KIAA1549: variants seen among roughly 807,000 people sequenced by gnomAD.
KIAA1549 encodes UPF0606 protein KIAA1549.
KIAA1549 carries 70 observed loss-of-function variants against 156.4 expected under a neutral mutation model. The observed-to-expected ratio is 0.45, with a 90% CI of 0.37 to 0.55. The LOEUF is 0.55. Ranked by LOEUF, KIAA1549 falls within the 20% of genes least tolerant of loss-of-function variation. KIAA1549 has a pLI of 0.00. For missense variants in KIAA1549, 2,428 were observed against 2,540.9 expected (o/e 0.96, Z 0.96); for synonymous variants, 1,103 against 1,066.4 (o/e 1.03, Z -0.67).
At chr7:138,862,319 G>A (rs1353540371) in intron 15 of KIAA1549, among the ~76,000 whole-genome samples, 1 of 151,838 alleles carries the variant, frequency 6.6e-6, no homozygotes, top group Non-Finnish European at 1.5e-5. Context: ...AGGCAACATA[G>A]CAAGACCCCC....
Position 138,835,580 on chromosome 7 carries a change from A to C in KIAA1549, c.*2326T>G, listed in dbSNP as rs376968655. 261 of 224,440 alleles carry C rather than the reference A, an allele frequency of 1.2e-3. No homozygotes were observed. The highest frequency in any genetic ancestry group is 5.4e-3 in the African/African-American group (241 of 44,910). 13.9% of individuals were successfully genotyped at this position (224,440 alleles called of 1,614,324 possible). On this transcript the variant is annotated 3_prime_UTR_variant, in exon 20 of 20. Transcript: ENST00000422774. ...TGGCCCTGAGCGGAACTGGGTGAGA[A>C]GGGGCCATTTATCCCGTTTGCTGTC... is the stretch of plus-strand genomic sequence containing the variant.
rs1197524450 is a variant in KIAA1549, at chr7:138,957,743, G to T, written c.187+23340C>A. ...TCCGCCCACCTCAGCCTCCCAAAGTGCTGAGATTACAGACATGAGACACTG... is the reference window on the plus strand; with the variant it reads ...TCCGCCCACCTCAGCCTCCCAAAGTTCTGAGATTACAGACATGAGACACTG... On this transcript the variant is annotated intron_variant, in intron 1 of 19. Coordinates refer to ENST00000422774, the MANE Select transcript of KIAA1549 (RefSeq NM_001164665.2). Among the ~76,000 whole-genome samples the T allele has an allele frequency of 2.6e-5, 4 of 152,046 alleles. No homozygotes were observed. In the East Asian group the frequency reaches 5.8e-4, roughly 22 times the overall value.
chr7:138,978,477 T>C (rs1814444462), intron 1 of KIAA1549, among the ~76,000 whole-genome samples: 1 of 146,088 alleles, frequency 6.8e-6, no homozygotes, highest in Non-Finnish European at 1.5e-5. Flanking sequence ...ACCAAACTTG[T>C]AAATTTTTTT....
chr7:138,898,941 C>A lies in KIAA1549; in HGVS notation c.3847+14G>T, dbSNP rs758641716. The A allele has an allele frequency of 3.0e-5, 48 of 1,611,142 alleles. No individual in the cohort carries two copies. Among genetic ancestry groups the A allele is most frequent in the Non-Finnish European group, 3.8e-5 (45 of 1,178,766 alleles). ...GCACAGCACAGCACAGACGACAACA[C>A]CTCAGGCACTTACGCTGGGCAATGA... On this transcript the variant is annotated intron_variant, in intron 9 of 19. Transcript: ENST00000422774.
intron 18 of KIAA1549, among the ~76,000 whole-genome samples, chr7:138,841,765 G>A (rs1369894621): frequency 6.6e-6 from 1 of 151,880 alleles, no homozygotes; most frequent in African/African-American, 2.4e-5. Context: ...GTCTCACTAT[G>A]TTGGCCAGGC....
At chr7:138,971,493 C>T (rs1319779646) in intron 1 of KIAA1549, among the ~76,000 whole-genome samples, 2 of 152,160 alleles carry the variant, frequency 1.3e-5, no homozygotes, top group African/African-American at 4.8e-5. Context: ...CCACCCCAGA[C>T]TGGCTTCTTC....
intron 1 of KIAA1549, among the ~76,000 whole-genome samples, chr7:138,942,902 C>G (rs1813225211): frequency 8.1e-6 from 1 of 123,542 alleles, no homozygotes; most frequent in Non-Finnish European, 1.6e-5. Context: ...GAGCAAGACT[C>G]CGTCTCAAAA....
intron 1 of KIAA1549, among the ~76,000 whole-genome samples, chr7:138,951,811 A>T (rs1354366972): frequency 6.6e-6 from 1 of 152,238 alleles, no homozygotes; most frequent in Non-Finnish European, 1.5e-5. Context: ...CATATGTCTA[A>T]GCAACATCCA....
At chr7:138,980,065 C>T (rs1184146202) in intron 1 of KIAA1549, among the ~76,000 whole-genome samples, 1 of 152,256 alleles carries the variant, frequency 6.6e-6, no homozygotes, top group East Asian at 1.9e-4. Flanking sequence ...CTCCCAGCCA[C>T]TGAGTAGCCC....
chr7:138,902,713 G>A (rs1248516131), intron 8 of KIAA1549, among the ~76,000 whole-genome samples: 1 of 152,106 alleles, frequency 6.6e-6, no homozygotes, highest in African/African-American at 2.4e-5. Context: ...GGAGGCTGAG[G>A]CAAAAGAGTC....
chr7:138,955,102 C>T (rs1299402575), intron 1 of KIAA1549, among the ~76,000 whole-genome samples: 1 of 152,194 alleles, frequency 6.6e-6, no homozygotes, highest in Non-Finnish European at 1.5e-5. Flanking sequence ...GCCAGAGACA[C>T]CACTAGATTT....
rs138479578 is a variant in KIAA1549, at chr7:138,964,326, G to A, written c.187+16757C>T. On this transcript the variant is annotated intron_variant, in intron 1 of 19. Transcript: ENST00000422774. ...TCTCTAACCCAGACCCAGAACAGAGGAGACCGTGGCTGGGGGTGCACATGC... is the reference window on the plus strand; with the variant it reads ...TCTCTAACCCAGACCCAGAACAGAGAAGACCGTGGCTGGGGGTGCACATGC... Among the ~76,000 whole-genome samples the A allele has an allele frequency of 2.0e-5, 3 of 152,314 alleles. No individual in the cohort carries two copies. In the East Asian group the frequency reaches 5.8e-4, roughly 29 times the overall value.
At chr7:138,883,990 G>T (rs1005698435) in intron 10 of KIAA1549, among the ~76,000 whole-genome samples, 2 of 152,164 alleles carry the variant, frequency 1.3e-5, no homozygotes, top group African/African-American at 4.8e-5. Context: ...TCACCACAGA[G>T]CCCCAGGCAT....
In KIAA1549 at chr7:138,833,599, T is replaced by A. The variant is rs1483818883; in HGVS notation, c.*4307A>T. 8.6e-6 allele frequency: 2 copies of A among 232,356 alleles called. No homozygotes were observed. The highest frequency in any genetic ancestry group is 1.7e-5 in the Non-Finnish European group (2 of 117,594). 14.4% of individuals were successfully genotyped at this position (232,356 alleles called of 1,614,324 possible). On this transcript the variant is annotated 3_prime_UTR_variant, in exon 20 of 20. Transcript: ENST00000422774. Reference sequence around the variant, plus strand: ...CACCCAAATCAAAACACTATGAAATTAATAAAATTTGGAGAAAAATGTGTA... The same window carrying A: ...CACCCAAATCAAAACACTATGAAATAAATAAAATTTGGAGAAAAATGTGTA...
chr7:138,940,135 G>A (rs1813136021), intron 1 of KIAA1549, among the ~76,000 whole-genome samples: 1 of 152,028 alleles, frequency 6.6e-6, no homozygotes, highest in African/African-American at 2.4e-5. Context: ...ATTTATATTA[G>A]GTATATCTCC....
rs368169470 is a variant in KIAA1549 at position 138,911,212 on chromosome 7, T to C, written c.3079A>G (p.Thr1027Ala). 4 of 1,599,012 alleles carry C rather than the reference T, an allele frequency of 2.5e-6. No homozygotes were observed. The African/African-American group carries it at 5.4e-5, about 21-fold the overall frequency. Residue 1027 changes from threonine (T) to alanine (A), a missense_variant, in exon 4 of 20, where the codon ACT becomes GCT. Transcript: ENST00000422774. ...GGTTTCACAGACAGGATTAAAGGAG[T>C]CTGGTCACGGACAAGCTTACTGTTT... ...LINSKLVRDQ[T>A]PLILSVKPSF... is the part of the protein sequence containing the mutation.
chr7:138,841,023 G>A (rs1024461335), intron 18 of KIAA1549, among the ~76,000 whole-genome samples: 1 of 152,184 alleles, frequency 6.6e-6, no homozygotes, highest in Non-Finnish European at 1.5e-5. Flanking sequence ...TTAATTCAGA[G>A]GCTGACAGTG....
In KIAA1549 at chr7:138,917,643, C is replaced by CT; in HGVS notation, c.1982dup (p.Ser662ValfsTer7). On this transcript the variant is annotated frameshift_variant, in exon 2 of 20. Transcript: ENST00000422774. LOFTEE classifies it high-confidence loss of function. ...ATGTCTCAACCAAGGGAGAAAAAGA[C>CT]TGAGATGTGAAGGGGGACAAGTCAC... 1 of 1,613,468 alleles carries CT rather than the reference C, an allele frequency of 6.2e-7. No individual in the cohort carries two copies. Among genetic ancestry groups the CT allele is most frequent in the Non-Finnish European group, 8.5e-7 (1 of 1,179,670 alleles).
chr7:138,871,620 A>G (rs1342343040), intron 12 of KIAA1549, among the ~76,000 whole-genome samples: 1 of 152,226 alleles, frequency 6.6e-6, no homozygotes, highest in African/African-American at 2.4e-5. Context: ...ATACTGTGTG[A>G]AAAACTGCAC....
Sources: gnomAD v4.1 joint callset for allele counts (sites outside exome capture counted in the v4.1 genomes callset) on GRCh38, gnomAD v4.1.1 for gene constraint, MANE v1.5 for transcripts, NCBI Gene and HGNC (gene_info 2026-07-23, HGNC 2026-07-21) for gene names.